The following DCHS2 variants were observed in gnomAD, a reference collection of about 807,000 sequenced individuals.
The protein encoded by DCHS2 is protocadherin-23.
In DCHS2, 142 loss-of-function variants were observed where a neutral mutation model predicts 182.4. The observed-to-expected ratio is 0.78, with a 90% confidence interval of 0.68 to 0.89. The LOEUF is 0.89. Ranked by LOEUF, DCHS2 falls within the 40% of genes least tolerant of loss-of-function variation. The pLI is 0.00. For missense variants in DCHS2, 4,319 were observed against 4,198.6 expected, an observed-to-expected ratio of 1.03 and a Z score of -0.79; for synonymous variants, 1,740 against 1,663.3, an observed-to-expected ratio of 1.05 and a Z score of -1.12.
At chr4:154,410,932 C>T (rs1399020599) in intron 1 of DCHS2, among the ~76,000 whole-genome samples, 1 of 152,134 alleles carries the variant, frequency 6.6e-6, no homozygotes, top group Non-Finnish European at 1.5e-5. Flanking sequence ...AGTGAATTTC[C>T]AGCAGTAACC....
In DCHS2 at chr4:154,232,981, A is replaced by G. The variant is rs1471783588; in HGVS notation, c.*1555T>C. 2 of 152,206 alleles carry G rather than the reference A, an allele frequency of 1.3e-5. No individual in the cohort carries two copies. The highest frequency in any genetic ancestry group is 2.9e-5 in the Non-Finnish European group (2 of 68,032). The allele number at this position is 152,206 out of a possible 1,614,324, so 9.4% of individuals were successfully genotyped here. A position where few individuals can be genotyped will look rare whatever the true frequency, so the allele number is the denominator to read the frequency against. Reference sequence around the variant, plus strand: ...AGCATAGGAAGCTGTAGAATTACTTATCTACAAAACCAGACATCAAACACT... The same window carrying G: ...AGCATAGGAAGCTGTAGAATTACTTGTCTACAAAACCAGACATCAAACACT... On this transcript the variant is annotated 3_prime_UTR_variant, in exon 20 of 20. Transcript: ENST00000357232.
In DCHS2 at chr4:154,320,887, A is replaced by T. The variant is rs1736034142; in HGVS notation, c.4512T>A (p.Asn1504Lys). 3.7e-6 allele frequency: 6 copies of T among 1,613,978 alleles called. No homozygotes were observed. The highest frequency in any genetic ancestry group is 2.2e-5 in the South Asian group (2 of 91,088). The stretch of plus-strand genomic sequence containing the variant: ...CATCCTGGAAAGATGGGGAATGGTC[A>T]TTCTGATCTTCCACATCGATACTAA... ...VFLSIDVEDQ[N>K]DHSPSFQDEL... The change falls in exon 9 of 20, where the codon AAT (asparagine) becomes AAA (lysine). Residue 1504 changes from asparagine (N) to lysine (K), a missense_variant. Transcript: ENST00000357232.
intron 13 of DCHS2, among the ~76,000 whole-genome samples, chr4:154,280,357 T>C (rs188827477): frequency 2.6e-5 from 4 of 152,280 alleles, no homozygotes; most frequent in Non-Finnish European, 4.4e-5. Context: ...GAGAGAATAC[T>C]TTGAAACTCA....
intron 1 of DCHS2, among the ~76,000 whole-genome samples, chr4:154,475,883 TAC>T: frequency 6.6e-6 from 1 of 152,200 alleles, no homozygotes; most frequent in East Asian, 1.9e-4. Context: ...TGAGGTTCAA[TAC>T]ACACAGCTTA....
At chr4:154,482,670 G>A (rs1735966343) in intron 1 of DCHS2, among the ~76,000 whole-genome samples, 1 of 152,172 alleles carries the variant, frequency 6.6e-6, no homozygotes, top group African/African-American at 2.4e-5. Context: ...AAAAGATAAA[G>A]GAGAAATGGA....
chr4:154,491,062 C>A lies in DCHS2; in HGVS notation c.294G>T (p.Gly98=). Residue 98 remains glycine (G), a synonymous_variant, in exon 1 of 20, where the codon GGG becomes GGT. Transcript: ENST00000357232. The part of the protein sequence containing the change: ...AGLPAAQQQE[G]SGFFLSEDSD... ...AGTCCTCCGACAGAAAGAAGCCGCT[C>A]CCCTCCTGCTGCTGCGCGGCCGGCA... The A allele has an allele frequency of 1.3e-6, 2 of 1,551,240 alleles. No homozygotes were observed. The highest frequency in any genetic ancestry group is 8.7e-7 in the Non-Finnish European group (1 of 1,146,924).
At chr4:154,303,139 A>T (rs1158362918) in intron 12 of DCHS2, among the ~76,000 whole-genome samples, 5 of 151,652 alleles carry the variant, frequency 3.3e-5, no homozygotes, top group African/African-American at 1.2e-4. Context: ...CTGCCACCAC[A>T]CCCAGCTAAT....
At position 154,406,149 on chromosome 4, in the gene DCHS2, A is replaced by G. The variant is rs74603080; in HGVS notation, c.2053-28705T>C. Among the ~76,000 whole-genome samples, 337 of 152,324 alleles carry G rather than the reference A, an allele frequency of 2.2e-3. 2 individuals are homozygous for G. The highest frequency in any genetic ancestry group is 7.6e-3 in the African/African-American group (314 of 41,570). On this transcript the variant is annotated intron_variant, in intron 1 of 19. Transcript: ENST00000357232. ...GCATCTGTTCTCTGCTGCACCTCAG[A>G]GTCTGGGCCAGCATATGCACAGCCC...
intron 1 of DCHS2, among the ~76,000 whole-genome samples, chr4:154,420,246 C>CAGAT (rs35709774): frequency 0.14 from 20,443 of 144,382 alleles, 1,644 homozygotes; most frequent in East Asian, 0.31. Flanking sequence ...GACAGACAGA[C>CAGAT]AGATAGATAG....
rs1439690642 is a variant in DCHS2 at position 154,240,647 on chromosome 4, C to A, written c.7249G>T (p.Glu2417Ter). ...TLDFEEMTEY[E>*]LLIQISDSVH... ...GAATCAGAAATTTGGATGAGCAGCT[C>A]ATATTCAGTCATTTCTTCAAAATCC... is the stretch of plus-strand genomic sequence containing the variant. Residue 2417 changes from glutamate (E) to a stop codon, truncating the protein, a stop_gained, in exon 18 of 20, where the codon GAG becomes TAG. Transcript: ENST00000357232. LOFTEE classifies it high-confidence loss of function. 6.2e-7 allele frequency: 1 copy of A among 1,613,848 alleles called. No homozygotes were observed. The highest frequency in any genetic ancestry group is 1.3e-5 in the African/African-American group (1 of 74,910).
chr4:154,440,444 A>T (rs1733957779), intron 1 of DCHS2, among the ~76,000 whole-genome samples: 1 of 146,956 alleles, frequency 6.8e-6, no homozygotes, highest in South Asian at 2.2e-4. Context: ...TTGTTTTGAA[A>T]TTATTGTCCC....
At chr4:154,447,062 C>T (rs906321012) in intron 1 of DCHS2, among the ~76,000 whole-genome samples, 6 of 152,088 alleles carry the variant, frequency 3.9e-5, no homozygotes, top group East Asian at 1.9e-4. Flanking sequence ...GAGGCCGAGG[C>T]GGGCAGATTA....
chr4:154,465,798 C>A (rs1324986125), intron 1 of DCHS2, among the ~76,000 whole-genome samples: 1 of 152,118 alleles, frequency 6.6e-6, no homozygotes, highest in African/African-American at 2.4e-5. Context: ...TATCTTAGAG[C>A]CTGGATGCCT....
chr4:154,331,695 A>G (rs762802036), intron 5 of DCHS2: 22 of 1,613,472 alleles, frequency 1.4e-5, no homozygotes, highest in Non-Finnish European at 8.5e-7. Context: ...AGGTTATGAC[A>G]TAGATGGTGC....
chr4:154,288,659 C>A (rs1434665866), intron 13 of DCHS2, among the ~76,000 whole-genome samples: 3 of 151,982 alleles, frequency 2.0e-5, no homozygotes, highest in Non-Finnish European at 4.4e-5. Context: ...CAAGGACAGA[C>A]CATATGTTAG....
At chr4:154,339,267 T>A (rs1728952152) in intron 3 of DCHS2, among the ~76,000 whole-genome samples, 1 of 152,140 alleles carries the variant, frequency 6.6e-6, no homozygotes, top group Admixed American at 6.5e-5. Context: ...TTTGTTCTTT[T>A]TCAGGCCCTC....
Position 154,234,264 on chromosome 4 carries a change from AT to A in DCHS2, c.*271del. The A allele has an allele frequency of 3.2e-6, 1 of 312,340 alleles. No individual in the cohort carries two copies. The highest frequency in any genetic ancestry group is 5.8e-6 in the Non-Finnish European group (1 of 173,704). The allele number at this position is 312,340 out of a possible 1,614,324, so 19.3% of individuals were successfully genotyped here. ...CACTGTGTCCTTTGGAAGTCTAATC[AT>A]ACAGACAACAGGTCTGACAGAATAT... is the stretch of plus-strand genomic sequence containing the variant. On this transcript the variant is annotated 3_prime_UTR_variant, in exon 20 of 20. Coordinates refer to ENST00000357232, the MANE Select transcript of DCHS2 (RefSeq NM_001358235.2).
chr4:154,478,568 A>G lies in DCHS2; in HGVS notation c.2052+10736T>C, dbSNP rs191800962. Among the ~76,000 whole-genome samples the G allele has an allele frequency of 3.4e-3, 523 of 152,244 alleles. 4 individuals carry two copies. The highest frequency in any genetic ancestry group is 5.4e-3 in the Admixed American group (83 of 15,286). On this transcript the variant is annotated intron_variant, in intron 1 of 19. Transcript: ENST00000357232. ...GGGTGGTTAGAGTCACTAGAAACAC[A>G]CAGTCTTTCTGGACACAAGAACCTT...
chr4:154,306,545 CA>C (rs896250287), intron 10 of DCHS2, among the ~76,000 whole-genome samples: 2 of 151,226 alleles, frequency 1.3e-5, no homozygotes, highest in African/African-American at 4.9e-5. Context: ...TCCTTTTCCT[CA>C]AAAAAAAGAG....
Sources: gnomAD v4.1 joint callset for allele counts (sites outside exome capture counted in the v4.1 genomes callset) on GRCh38, gnomAD v4.1.1 for gene constraint, MANE v1.5 for transcripts, NCBI Gene and HGNC (gene_info 2026-07-23, HGNC 2026-07-21) for gene names.